The following RASSF3 variants were observed in gnomAD, a reference collection of about 807,000 sequenced individuals.
RASSF3 encodes Ras association domain family member 3.
In RASSF3, 19 loss-of-function variants were observed where a neutral mutation model predicts 19.9. The observed-to-expected ratio is 0.96, with a 90% CI of 0.67 to 1.40. RASSF3 has a LOEUF of 1.40. Ranked by LOEUF, RASSF3 falls within the 40% of genes most tolerant of loss-of-function variation. The pLI is 0.00. For missense variants in RASSF3, 306 were observed against 289.8 expected (o/e 1.06, Z -0.41); for synonymous variants, 110 against 104.2 (o/e 1.06, Z -0.34).
At chr12:64,574,932 T>C (rs1170313144) in intron 2 of RASSF3, among the ~76,000 whole-genome samples, 1 of 152,364 alleles carries the variant, frequency 6.6e-6, no homozygotes, top group East Asian at 1.9e-4. Context: ...ACAGGTTATC[T>C]ACAAAAATAC....
intron 1 of RASSF3, among the ~76,000 whole-genome samples, chr12:64,660,175 C>G (rs1872307237): frequency 6.6e-6 from 1 of 151,868 alleles, no homozygotes; most frequent in Non-Finnish European, 1.5e-5. Flanking sequence ...GCCTCTGCCT[C>G]AAAAAGTGCT....
At chr12:64,631,430 G>A (rs963239010) in intron 1 of RASSF3, among the ~76,000 whole-genome samples, 1 of 152,106 alleles carries the variant, frequency 6.6e-6, no homozygotes, top group Non-Finnish European at 1.5e-5. Context: ...AGGAGAGTGA[G>A]TAGAGGTGCT....
intron 2 of RASSF3, among the ~76,000 whole-genome samples, chr12:64,602,063 G>C (rs982334446): frequency 9.3e-5 from 14 of 151,090 alleles, no homozygotes; most frequent in African/African-American, 3.4e-4. Context: ...CTTGCAGTGA[G>C]CTGAGATCAT....
At chr12:64,633,661 A>G (rs1208961908) in intron 1 of RASSF3, among the ~76,000 whole-genome samples, 4 of 152,188 alleles carry the variant, frequency 2.6e-5, no homozygotes, top group African/African-American at 9.6e-5. Flanking sequence ...AGAAAAGACA[A>G]ACACAGAAAA....
intron 1 of RASSF3, among the ~76,000 whole-genome samples, chr12:64,638,914 T>G (rs1871417777): frequency 6.6e-6 from 1 of 152,210 alleles, no homozygotes; most frequent in Non-Finnish European, 1.5e-5. Flanking sequence ...AATTGTTCTT[T>G]CCTCCCATTT....
Position 64,595,559 on chromosome 12 carries a change from G to A in RASSF3, c.294+53854G>A, listed in dbSNP as rs764798705. Among the ~76,000 whole-genome samples, 8 of 152,064 alleles carry A rather than the reference G, an allele frequency of 5.3e-5. No homozygotes were observed. In the South Asian group the frequency reaches 8.3e-4, roughly 16 times the overall value. On this transcript the variant is annotated intron_variant, in intron 2 of 5. Coordinates refer to the RASSF3 transcript ENST00000637125. Reference sequence around the variant, plus strand: ...CTTTTTCTGTGAAGTTCCCATATGCGTATGTAATACATCTTTTTCTCCTGT... The same window carrying A: ...CTTTTTCTGTGAAGTTCCCATATGCATATGTAATACATCTTTTTCTCCTGT...
intron 2 of RASSF3, among the ~76,000 whole-genome samples, chr12:64,548,325 A>G (rs1869103652): frequency 6.6e-6 from 1 of 151,268 alleles, no homozygotes; most frequent in Non-Finnish European, 1.5e-5. Context: ...GGCAGGCACC[A>G]TCATGCCCAG....
At chr12:64,560,747 T>C (rs527953561) in intron 2 of RASSF3, among the ~76,000 whole-genome samples, 1 of 152,214 alleles carries the variant, frequency 6.6e-6, no homozygotes, top group East Asian at 1.9e-4. Flanking sequence ...TAAGATGGGA[T>C]TGGATGTGCA....
At position 64,559,246 on chromosome 12, in the gene RASSF3, C is replaced by T. The variant is rs1342633617; in HGVS notation, c.294+17541C>T. 1.3e-3 allele frequency among the ~76,000 whole-genome samples: 185 copies of T among 140,780 alleles called. 4 individuals carry two copies. The highest frequency in any genetic ancestry group is 1.5e-3 in the Non-Finnish European group (99 of 64,426). The allele number at this position is 140,780 out of a possible 152,430, so 92.4% of individuals were successfully genotyped here. A position where few individuals can be genotyped will look rare whatever the true frequency, so the allele number is the denominator to read the frequency against. On this transcript the variant is annotated intron_variant, in intron 2 of 5. Coordinates refer to the RASSF3 transcript ENST00000637125. Reference sequence around the variant, plus strand: ...GTCCATTTTCTTTTCTTCTTTTTTTCTTTTTTTTTTTTTTTGAGGCGGAGT... The same window carrying T: ...GTCCATTTTCTTTTCTTCTTTTTTTTTTTTTTTTTTTTTTTGAGGCGGAGT...
chr12:64,644,104 G>A (rs1242148261), intron 1 of RASSF3, among the ~76,000 whole-genome samples: 2 of 152,160 alleles, frequency 1.3e-5, no homozygotes, highest in African/African-American at 4.8e-5. Flanking sequence ...AGATGGAGTG[G>A]TATTTATAAT....
intron 2 of RASSF3, among the ~76,000 whole-genome samples, chr12:64,568,063 G>T (rs543622337): frequency 2.0e-5 from 3 of 152,096 alleles, no homozygotes; most frequent in South Asian, 4.1e-4. Context: ...ATGGAGTCTC[G>T]CTCTGTTGCC....
At chr12:64,569,549 G>A (rs1869484512) in intron 2 of RASSF3, among the ~76,000 whole-genome samples, 1 of 152,230 alleles carries the variant, frequency 6.6e-6, no homozygotes, top group Non-Finnish European at 1.5e-5. Context: ...GTGACCAGAG[G>A]TGATTTTTAG....
At chr12:64,594,985 A>T (rs181038692) in intron 2 of RASSF3, among the ~76,000 whole-genome samples, 61 of 151,716 alleles carry the variant, frequency 4.0e-4, no homozygotes, top group African/African-American at 1.4e-3. Context: ...ACAGACACAC[A>T]CACAGACACA....
At chr12:64,632,788 T>C (rs1871209926) in intron 1 of RASSF3, among the ~76,000 whole-genome samples, 1 of 152,074 alleles carries the variant, frequency 6.6e-6, no homozygotes, top group South Asian at 2.1e-4. Flanking sequence ...AGACCTCAGA[T>C]CTCATGGAAG....
chr12:64,679,724 G>A (rs1048152431), intron 1 of RASSF3, among the ~76,000 whole-genome samples: 2 of 152,158 alleles, frequency 1.3e-5, no homozygotes, highest in African/African-American at 4.8e-5. Context: ...AAACAATGAG[G>A]GAAGAGTCTA....
At chr12:64,661,677 CTTTTTTTTTTTTT>C (rs71092993) in intron 1 of RASSF3, among the ~76,000 whole-genome samples, 8 of 79,002 alleles carry the variant, frequency 1.0e-4, no homozygotes, top group South Asian at 5.1e-4. Flanking sequence ...TTTTCTTTTT[CTTTTTTTTTTTTT>C]TTTTTTTTTT....
At chr12:64,544,438 T>C (rs1029858243), downstream of RASSF3, among the ~76,000 whole-genome samples, 22 of 152,100 alleles carry the variant, frequency 1.4e-4, no homozygotes, top group Non-Finnish European at 1.8e-4. Context: ...GCGGGTTCAT[T>C]CTTGAAGTCC....
exon 2 of RASSF3, chr12:64,541,592 A>T (rs1400017094): frequency 2.5e-6 from 1 of 398,510 alleles, no homozygotes; most frequent in Admixed American, 4.4e-5. Flanking sequence ...GGGTAAATAT[A>T]TATGTCATGC....
At chr12:64,544,213 C>T (rs1253938051), downstream of RASSF3, among the ~76,000 whole-genome samples, 2 of 151,700 alleles carry the variant, frequency 1.3e-5, no homozygotes, top group Non-Finnish European at 2.9e-5. Flanking sequence ...CAGCTTCACT[C>T]GTGAAGCCAT....
Sources: gnomAD v4.1 joint callset for allele counts (sites outside exome capture counted in the v4.1 genomes callset) on GRCh38, gnomAD v4.1.1 for gene constraint, MANE v1.5 for transcripts, NCBI Gene and HGNC (gene_info 2026-07-23, HGNC 2026-07-21) for gene names.